CCDC88C: variants seen among roughly 807,000 people sequenced by gnomAD.
The protein encoded by CCDC88C is coiled-coil and HOOK domain protein 88C, also known as protein Daple.
Under a neutral mutation model 198.8 loss-of-function variants are expected in CCDC88C, and 131 were observed. The observed-to-expected ratio is 0.66, with a 90% CI of 0.57 to 0.76. CCDC88C has a LOEUF of 0.76. Among genes scored for constraint, CCDC88C ranks in the 30% least tolerant of loss-of-function variants. The pLI is 0.00. For missense variants in CCDC88C, 2,553 were observed against 2,631.6 expected, an observed-to-expected ratio of 0.97 and a Z score of 0.65; for synonymous variants, 1,166 against 1,114.7, an observed-to-expected ratio of 1.05 and a Z score of -0.92.
At chr14:91,293,436 GTCCTCACCTGCCACGGTCCACCTTCCCA>G (rs1890805173) in intron 23 of CCDC88C, among the ~76,000 whole-genome samples, 21 of 1,112 alleles carry the variant, frequency 0.019, no homozygotes, top group East Asian at 0.11. Context: ...CCACCTTCCC[GTCCTCACCTGCCACGGTCCACCTTCCCA>G]TCCTCACCTG....
chr14:91,311,279 C>T (rs2139799720), intron 15 of CCDC88C, among the ~76,000 whole-genome samples: 1 of 152,350 alleles, frequency 6.6e-6, no homozygotes, highest in African/African-American at 2.4e-5. Flanking sequence ...GCTCTGCCTG[C>T]ATTCATATTT....
At chr14:91,364,012 G>T (rs537901270) in intron 3 of CCDC88C, among the ~76,000 whole-genome samples, 4 of 152,412 alleles carry the variant, frequency 2.6e-5, no homozygotes, top group Admixed American at 1.3e-4. Flanking sequence ...CCAGGCTGGA[G>T]AGTGCAAGCC....
At chr14:91,412,698 G>C (rs1238991292) in intron 2 of CCDC88C, among the ~76,000 whole-genome samples, 1 of 152,124 alleles carries the variant, frequency 6.6e-6, no homozygotes, top group Non-Finnish European at 1.5e-5. Context: ...GCCTCCCAAA[G>C]TGCTGGCATT....
At chr14:91,289,372 G>A in intron 24 of CCDC88C, 29 bp from the exon 25 acceptor site, 4 of 1,595,958 alleles carry the variant, frequency 2.5e-6, no homozygotes, top group Non-Finnish European at 3.4e-6. Flanking sequence ...TTAGGACATA[G>A]CCAGCCCTCC....
chr14:91,319,797 G>C (rs777538327), intron 13 of CCDC88C, among the ~76,000 whole-genome samples: 1 of 152,044 alleles, frequency 6.6e-6, no homozygotes, highest in African/African-American at 2.4e-5. Flanking sequence ...AGGCCGAGGC[G>C]GGTGGGCCAC....
rs189395947 is a variant in CCDC88C, at chr14:91,345,083, T to C, written c.341-1426A>G. 3.0e-3 allele frequency among the ~76,000 whole-genome samples: 446 copies of C among 148,440 alleles called. 6 individuals are homozygous for C. The highest frequency in any genetic ancestry group is 0.01 in the African/African-American group (421 of 40,192). ...TGTTGGGATCACACGTGTGAGCCACTGCACCTTTTTGATGGTTGCATACTT... is the reference window on the plus strand; with the variant it reads ...TGTTGGGATCACACGTGTGAGCCACCGCACCTTTTTGATGGTTGCATACTT... On this transcript the variant is annotated intron_variant, in intron 4 of 29. Coordinates refer to ENST00000389857, the MANE Select transcript of CCDC88C (RefSeq NM_001080414.4).
At chr14:91,276,905 G>A (rs1889988082) in intron 29 of CCDC88C, among the ~76,000 whole-genome samples, 1 of 152,242 alleles carries the variant, frequency 6.6e-6, no homozygotes, top group African/African-American at 2.4e-5. Flanking sequence ...CTGCAGAGCT[G>A]GGGCCAAATC....
chr14:91,405,926 C>G (rs1306057302), intron 3 of CCDC88C, among the ~76,000 whole-genome samples: 1 of 152,248 alleles, frequency 6.6e-6, no homozygotes, highest in African/African-American at 2.4e-5. Flanking sequence ...TCAGCATACA[C>G]TGACTGACCA....
chr14:91,402,858 G>A (rs1886286690), intron 3 of CCDC88C, among the ~76,000 whole-genome samples: 2 of 152,194 alleles, frequency 1.3e-5, no homozygotes, highest in South Asian at 4.1e-4. Flanking sequence ...AGGGCTGGGA[G>A]AAGCTAAGGC....
chr14:91,399,399 C>G (rs73340436), intron 3 of CCDC88C, among the ~76,000 whole-genome samples: 1 of 152,142 alleles, frequency 6.6e-6, no homozygotes, highest in Non-Finnish European at 1.5e-5. Flanking sequence ...TGGGCTGGAT[C>G]CCCATAGAGT....
chr14:91,318,232 C>A (rs1475496840), intron 13 of CCDC88C, among the ~76,000 whole-genome samples: 6 of 151,444 alleles, frequency 4.0e-5, no homozygotes, highest in Admixed American at 3.9e-4. Context: ...CCAGCCTGGG[C>A]AACATAAAGA....
In CCDC88C at chr14:91,408,755, G is replaced by A; in HGVS notation, c.174C>T (p.Pro58=). The A allele has an allele frequency of 1.2e-6, 2 of 1,612,774 alleles. No individual in the cohort carries two copies. The highest frequency in any genetic ancestry group is 1.7e-6 in the Non-Finnish European group (2 of 1,178,836). ...CGTGCTTATTGATGCGTTGATTTGT[G>A]GGCCTGGGATCTCTAGGGGAAGAAA... ...NQIMLQIDPR[P]TNQRINKHVN... is the part of the protein sequence containing the mutation. The change falls in exon 3 of 30, where the codon CCC becomes CCT. Residue 58 remains proline (P), a synonymous_variant. Coordinates refer to ENST00000389857, the MANE Select transcript of CCDC88C (RefSeq NM_001080414.4).
In CCDC88C at chr14:91,300,119, C is replaced by G. The variant is rs370433635; in HGVS notation, c.3636-49G>C. 3.2e-6 allele frequency: 5 copies of G among 1,579,262 alleles called. No homozygotes were observed. In the African/African-American group the frequency reaches 6.7e-5, roughly 21 times the overall value. ...TGAGTCTGGCCAGGGCCTTCTTTTC[C>G]GACAGGTAACTCACATCCCAGAGGA... On this transcript the variant is annotated intron_variant, in intron 20 of 29. Coordinates refer to ENST00000389857, the MANE Select transcript of CCDC88C (RefSeq NM_001080414.4).
intron 29 of CCDC88C, among the ~76,000 whole-genome samples, chr14:91,276,909 C>T (rs1889988358): frequency 6.6e-6 from 1 of 152,216 alleles, no homozygotes; most frequent in Admixed American, 6.5e-5. Context: ...AGAGCTGGGG[C>T]CAAATCCAGC....
intron 10 of CCDC88C, among the ~76,000 whole-genome samples, chr14:91,333,972 G>A (rs1051976221): frequency 4.6e-5 from 7 of 152,206 alleles, no homozygotes; most frequent in African/African-American, 7.2e-5. Flanking sequence ...TTTTCCCGCT[G>A]ACCTTTTACT....
intron 6 of CCDC88C, 140 bp downstream of exon 6, chr14:91,342,231 TGTGTCTGTG>T: frequency 2.1e-6 from 1 of 476,392 alleles, no homozygotes. Context: ...ATAGAATCAA[TGTGTCTGTG>T]GTGTCTGAAA....
Position 91,327,529 on chromosome 14 carries a change from GA to G in CCDC88C, c.1051-1474del, listed in dbSNP as rs35539463. ...TTCCTGCAGATGAAAGACCAATTCA[GA>G]AAAAATAAGAAATGAGCTCAAAGCC... On this transcript the variant is annotated intron_variant, in intron 10 of 29. Coordinates refer to ENST00000389857, the MANE Select transcript of CCDC88C (RefSeq NM_001080414.4). Among the ~76,000 whole-genome samples the G allele has an allele frequency of 1.2e-3, 179 of 152,296 alleles. 1 individual carries two copies. The Middle Eastern group carries it at 0.014, about 12-fold the overall frequency.
In CCDC88C at chr14:91,272,489, A is replaced by G; in HGVS notation, c.*136T>C. 1 of 881,468 alleles carries G rather than the reference A, an allele frequency of 1.1e-6. No individual in the cohort carries two copies. The highest frequency in any genetic ancestry group is 1.6e-5 in the South Asian group (1 of 60,778). 54.6% of individuals were successfully genotyped at this position (881,468 alleles called of 1,614,324 possible). Reference sequence around the variant, plus strand: ...GCACAGTGTTTCCATTCACAGAACAAACAGCAGAAATGCGTGGGAACCCCT... The same window carrying G: ...GCACAGTGTTTCCATTCACAGAACAGACAGCAGAAATGCGTGGGAACCCCT... On this transcript the variant is annotated 3_prime_UTR_variant, in exon 30 of 30. Transcript: ENST00000389857.
intron 2 of CCDC88C, among the ~76,000 whole-genome samples, chr14:91,410,050 A>C (rs1171945647): frequency 2.0e-5 from 3 of 152,226 alleles, no homozygotes; most frequent in African/African-American, 7.2e-5. Context: ...AACCTCAGGC[A>C]AAAGTTGGGT....
Sources: gnomAD v4.1 joint callset for allele counts (sites outside exome capture counted in the v4.1 genomes callset) on GRCh38, gnomAD v4.1.1 for gene constraint, MANE v1.5 for transcripts, NCBI Gene and HGNC (gene_info 2026-07-23, HGNC 2026-07-21) for gene names.